The following NRXN1 variants were observed in gnomAD, a reference collection of about 807,000 sequenced individuals.
The protein encoded by NRXN1 is neurexin 1, also known as neurexin-1.
Under a neutral mutation model 150.9 loss-of-function variants are expected in NRXN1, and 39 were observed. The ratio of observed to expected loss-of-function variants is 0.26; its 90% confidence interval spans 0.20 to 0.34. The LOEUF is 0.34. Ranked by LOEUF, NRXN1 falls within the 10% of genes least tolerant of loss-of-function variation. The pLI, the probability that NRXN1 is intolerant of heterozygous loss-of-function variation, is 1.00. For missense variants in NRXN1, 1,815 were observed against 1,949.9 expected (o/e 0.93, Z 1.30); for synonymous variants, 924 against 757.0 (o/e 1.22, Z -3.62).
intron 18 of NRXN1, among the ~76,000 whole-genome samples, chr2:50,097,690 A>T (rs1169049527): frequency 1.3e-5 from 2 of 151,450 alleles, no homozygotes; most frequent in Non-Finnish European, 2.9e-5. Context: ...CCCAGGCTGG[A>T]GTGCAATGGC....
intron 5 of NRXN1, among the ~76,000 whole-genome samples, chr2:50,841,498 G>A (rs1053523772): frequency 2.6e-5 from 4 of 152,150 alleles, no homozygotes; most frequent in Admixed American, 6.5e-5. Flanking sequence ...ATATGTATAC[G>A]TATGTGTGCA....
At chr2:50,690,396 A>G (rs539833343) in intron 5 of NRXN1, among the ~76,000 whole-genome samples, 1 of 152,310 alleles carries the variant, frequency 6.6e-6, no homozygotes, top group East Asian at 1.9e-4. Flanking sequence ...TGAAATTGTG[A>G]TAGTCCTCTT....
At chr2:49,966,468 C>T (rs1676981592) in intron 21 of NRXN1, 1 of 151,060 alleles carries the variant, frequency 6.6e-6, no homozygotes, top group Non-Finnish European at 1.5e-5. Flanking sequence ...CATAATTCAA[C>T]AAAATGAAAA....
intron 5 of NRXN1, among the ~76,000 whole-genome samples, chr2:50,794,463 A>C (rs1272181975): frequency 2.6e-5 from 4 of 152,106 alleles, no homozygotes; most frequent in Non-Finnish European, 4.4e-5. Flanking sequence ...CATTCAGGCA[A>C]AATGATGGTA....
intron 18 of NRXN1, among the ~76,000 whole-genome samples, chr2:50,143,188 TAA>T (rs1707517607): frequency 6.7e-6 from 1 of 149,222 alleles, no homozygotes; most frequent in South Asian, 2.1e-4. Context: ...GAAAGAAAAA[TAA>T]AAGAGAATGA....
In NRXN1 at chr2:49,968,777, C is replaced by T. The variant is rs975661228; in HGVS notation, c.4129-24986G>A. 2.0e-5 allele frequency among the ~76,000 whole-genome samples: 3 copies of T among 152,038 alleles called. No individual in the cohort carries two copies. The South Asian group carries it at 6.2e-4, about 32-fold the overall frequency. ...ACAATGAGCAAATATATTGACAAGA[C>T]AATGAGCAAATATATATTAAGTAAT... On this transcript the variant is annotated intron_variant, in intron 21 of 22. Transcript: ENST00000401669.
intron 5 of NRXN1, among the ~76,000 whole-genome samples, chr2:50,768,947 C>A (rs979256233): frequency 2.0e-5 from 3 of 151,760 alleles, no homozygotes; most frequent in Non-Finnish European, 4.4e-5. Flanking sequence ...TACACACACA[C>A]ACTCTGAACT....
At chr2:50,458,797 G>T (rs2087860243) in intron 17 of NRXN1, among the ~76,000 whole-genome samples, 1 of 151,964 alleles carries the variant, frequency 6.6e-6, no homozygotes, top group Non-Finnish European at 1.5e-5. Context: ...GGCCAGGATG[G>T]TCTCGAACTC....
At chr2:50,303,926 C>CAA (rs55755053) in intron 17 of NRXN1, among the ~76,000 whole-genome samples, 9 of 151,782 alleles carry the variant, frequency 5.9e-5, no homozygotes, top group South Asian at 2.1e-4. Flanking sequence ...TCTTCTGTGG[C>CAA]AAAAAAATAT....
At chr2:50,320,223 A>ATT (rs1388632901) in intron 17 of NRXN1, among the ~76,000 whole-genome samples, 1 of 142,422 alleles carries the variant, frequency 7.0e-6, no homozygotes, top group African/African-American at 2.6e-5. Context: ...ATTTTTTCTT[A>ATT]TTTTATCAGA....
intron 2 of NRXN1, among the ~76,000 whole-genome samples, chr2:51,017,307 T>C (rs1668833269): frequency 6.6e-6 from 1 of 151,522 alleles, no homozygotes; most frequent in African/African-American, 2.4e-5. Context: ...TCCCTAACTT[T>C]TCTGATAAAA....
chr2:50,941,726 C>T (rs1689479702), intron 2 of NRXN1, among the ~76,000 whole-genome samples: 1 of 152,084 alleles, frequency 6.6e-6, no homozygotes. Context: ...CGTTCACAAA[C>T]AGATTACCTG....
intron 5 of NRXN1, among the ~76,000 whole-genome samples, chr2:50,682,330 C>T (rs1690527070): frequency 6.6e-6 from 1 of 152,122 alleles, no homozygotes; most frequent in African/African-American, 2.4e-5. Context: ...ATTTACATAA[C>T]CAAGCCATCT....
chr2:50,611,153 T>G (rs1678054810), intron 8 of NRXN1, among the ~76,000 whole-genome samples: 2 of 148,966 alleles, frequency 1.3e-5, no homozygotes, highest in African/African-American at 4.9e-5. Flanking sequence ...GTGCTGAAAT[T>G]AAGAGAAAAT....
At chr2:50,973,659 T>C (rs973110493) in intron 2 of NRXN1, among the ~76,000 whole-genome samples, 7 of 152,112 alleles carry the variant, frequency 4.6e-5, no homozygotes, top group Non-Finnish European at 1.0e-4. Context: ...GGTGCTATCT[T>C]TGGTGATTTA....
At chr2:49,961,333 C>T (rs573887691) in intron 21 of NRXN1, among the ~76,000 whole-genome samples, 6 of 152,102 alleles carry the variant, frequency 3.9e-5, no homozygotes, top group African/African-American at 1.4e-4. Context: ...CACACACACA[C>T]ACACACACAC....
intron 5 of NRXN1, among the ~76,000 whole-genome samples, chr2:50,890,945 T>A (rs2103823839): frequency 6.6e-6 from 1 of 152,150 alleles, no homozygotes; most frequent in East Asian, 1.9e-4. Flanking sequence ...AGATATTTAA[T>A]GCCTTAACCA....
intron 2 of NRXN1, among the ~76,000 whole-genome samples, chr2:50,987,803 G>A (rs1697946995): frequency 6.6e-6 from 1 of 151,866 alleles, no homozygotes; most frequent in Non-Finnish European, 1.5e-5. Flanking sequence ...GCTAAGTAGA[G>A]CTATTCACAC....
chr2:50,966,643 T>C (rs1292620070), intron 2 of NRXN1, among the ~76,000 whole-genome samples: 1 of 151,824 alleles, frequency 6.6e-6, no homozygotes, highest in Non-Finnish European at 1.5e-5. Flanking sequence ...ATTTAGTGCC[T>C]GCCCATTTGA....
Sources: allele counts gnomAD v4.1 joint callset (sites outside exome capture counted in the v4.1 genomes callset), GRCh38; gene constraint gnomAD v4.1.1; transcripts MANE v1.5; gene names NCBI Gene and HGNC (gene_info 2026-07-23, HGNC 2026-07-21).